Variants in ARHGAP18 observed in about 807,000 individuals in gnomAD.
ARHGAP18 encodes rho GTPase-activating protein 18.
In ARHGAP18, 67 loss-of-function variants were observed where a neutral mutation model predicts 86.2. The ratio of observed to expected loss-of-function variants is 0.78; its 90% CI spans 0.64 to 0.95. The LOEUF (loss-of-function observed/expected upper bound fraction) is 0.95. ARHGAP18 is among the 40% of genes least tolerant of loss of function. The pLI, the probability that ARHGAP18 is intolerant of heterozygous loss-of-function variation, is 0.00. For missense variants in ARHGAP18, 691 were observed against 780.4 expected (o/e 0.89, Z 1.37); for synonymous variants, 283 against 280.4 (o/e 1.01, Z -0.09).
chr6:129,627,491 T>C (rs1789504352), intron 5 of ARHGAP18, among the ~76,000 whole-genome samples: 1 of 152,052 alleles, frequency 6.6e-6, no homozygotes, highest in Admixed American at 6.6e-5. Flanking sequence ...ATCTGATCAA[T>C]TTAAAGTCAA....
At chr6:129,671,994 G>A (rs1326919791) in intron 1 of ARHGAP18, among the ~76,000 whole-genome samples, 1 of 152,014 alleles carries the variant, frequency 6.6e-6, no homozygotes, top group East Asian at 1.9e-4. Context: ...ACAGAAGTTC[G>A]GAGAGGTTAA....
chr6:129,625,104 T>TATATGA (rs1562696218), intron 5 of ARHGAP18, among the ~76,000 whole-genome samples: 1 of 78,322 alleles, frequency 1.3e-5, no homozygotes, highest in African/African-American at 5.1e-5. Flanking sequence ...ATGATATATA[T>TATATGA]TATATATTAT....
chr6:129,679,906 C>T (rs1385073283), intron 1 of ARHGAP18, among the ~76,000 whole-genome samples: 1 of 152,196 alleles, frequency 6.6e-6, no homozygotes, highest in Non-Finnish European at 1.5e-5. Context: ...CCCTCCGAAG[C>T]CTCTAGGGAT....
At chr6:129,609,804 C>T (rs973358321) in intron 8 of ARHGAP18, among the ~76,000 whole-genome samples, 3 of 151,974 alleles carry the variant, frequency 2.0e-5, no homozygotes, top group South Asian at 2.1e-4. Flanking sequence ...TCAGGTTACT[C>T]GAATCCTATT....
At chr6:129,609,322 G>A (rs1788929876) in intron 8 of ARHGAP18, among the ~76,000 whole-genome samples, 1 of 152,156 alleles carries the variant, frequency 6.6e-6, no homozygotes, top group African/African-American at 2.4e-5. Context: ...ACAACAGGCT[G>A]GGTTGAAGAG....
intron 1 of ARHGAP18, among the ~76,000 whole-genome samples, chr6:129,648,314 G>A (rs1465584650): frequency 6.6e-6 from 1 of 151,900 alleles, no homozygotes; most frequent in Admixed American, 6.5e-5. Flanking sequence ...TGGGACTACA[G>A]GCACACACCA....
chr6:129,678,641 CA>C (rs986329304), intron 1 of ARHGAP18, among the ~76,000 whole-genome samples: 33 of 152,190 alleles, frequency 2.2e-4, no homozygotes, highest in African/African-American at 7.5e-4. Flanking sequence ...GGAGCTTCAC[CA>C]AAAACAAACA....
At chr6:129,629,554 T>C in intron 4 of ARHGAP18, 32 bp from the exon 5 acceptor site, 4 of 1,571,858 alleles carry the variant, frequency 2.5e-6, no homozygotes, top group Non-Finnish European at 3.4e-6. Context: ...ACCCAATTCA[T>C]ATGCTTTATT....
chr6:129,618,356 A>G (rs998340047), intron 6 of ARHGAP18, among the ~76,000 whole-genome samples: 4 of 152,206 alleles, frequency 2.6e-5, no homozygotes, highest in Non-Finnish European at 4.4e-5. Flanking sequence ...GATTCTGGAA[A>G]TAAATAAATA....
chr6:129,657,954 A>G lies in ARHGAP18; in HGVS notation c.114-15936T>C, dbSNP rs1197344034. On this transcript the variant is annotated intron_variant, in intron 1 of 14. Coordinates refer to ENST00000368149, the MANE Select transcript of ARHGAP18 (RefSeq NM_033515.3). ...TATACGGTCACTCATCTTATCTCCA[A>G]TAGGTTCTTATTCCCACCTGAAGTG... Among the ~76,000 whole-genome samples the G allele has an allele frequency of 3.9e-5, 6 of 152,282 alleles. No individual in the cohort carries two copies. In the East Asian group the frequency reaches 7.7e-4, roughly 20 times the overall value.
chr6:129,606,192 T>G (rs535608009), intron 9 of ARHGAP18, among the ~76,000 whole-genome samples: 3 of 152,208 alleles, frequency 2.0e-5, no homozygotes, highest in Non-Finnish European at 4.4e-5. Context: ...TGTGATCATA[T>G]GACGTGCGGC....
intron 1 of ARHGAP18, among the ~76,000 whole-genome samples, chr6:129,687,184 T>G (rs146217488): frequency 3.9e-5 from 6 of 152,112 alleles, no homozygotes; most frequent in Non-Finnish European, 8.8e-5. Flanking sequence ...GCTACAGATG[T>G]TGAACAGGTA....
intron 2 of ARHGAP18, among the ~76,000 whole-genome samples, chr6:129,641,015 G>A (rs1773453558): frequency 6.6e-6 from 1 of 152,158 alleles, no homozygotes; most frequent in Admixed American, 6.5e-5. Flanking sequence ...TGGCTGGAAA[G>A]TGACTCTACA....
chr6:129,665,166 A>C (rs1390334284), intron 1 of ARHGAP18, among the ~76,000 whole-genome samples: 1 of 152,182 alleles, frequency 6.6e-6, no homozygotes, highest in Admixed American at 6.5e-5. Context: ...CATCAGCCCC[A>C]AACACAATAC....
At chr6:129,691,534 C>T (rs567405370) in intron 1 of ARHGAP18, among the ~76,000 whole-genome samples, 1 of 152,174 alleles carries the variant, frequency 6.6e-6, no homozygotes, top group Admixed American at 6.5e-5. Context: ...GTGGCTCTCT[C>T]TAAGCGTTAA....
chr6:129,664,763 A>G, intron 1 of ARHGAP18, among the ~76,000 whole-genome samples: 1 of 152,210 alleles, frequency 6.6e-6, no homozygotes, highest in Non-Finnish European at 1.5e-5. Context: ...TTCTAGTGGC[A>G]AGGAGACAAA....
At chr6:129,624,956 A>AT (rs1337773616) in intron 5 of ARHGAP18, among the ~76,000 whole-genome samples, 2 of 121,718 alleles carry the variant, frequency 1.6e-5, no homozygotes, top group African/African-American at 6.0e-5. Context: ...AAAAATATAT[A>AT]TATATATGAT....
At chr6:129,693,510 T>TC (rs1188009471) in intron 1 of ARHGAP18, among the ~76,000 whole-genome samples, 1 of 151,940 alleles carries the variant, frequency 6.6e-6, no homozygotes, top group Non-Finnish European at 1.5e-5. Flanking sequence ...AATTCTTACC[T>TC]CCCCCTTGGT....
rs548047031 is a variant in ARHGAP18, at chr6:129,587,909, C to T, written c.1714-3797G>A. ...AAGTCTTAACTCATTCCAGCATTTA[C>T]CCAAAAGTCCAAGTCCAAGGCCTCA... On this transcript the variant is annotated intron_variant, in intron 12 of 14. Transcript: ENST00000368149. 6.6e-5 allele frequency among the ~76,000 whole-genome samples: 10 copies of T among 152,258 alleles called. 1 individual carries two copies. The highest frequency in any genetic ancestry group is 2.4e-4 in the African/African-American group (10 of 41,546).
Sources: gnomAD v4.1 joint callset for allele counts (sites outside exome capture counted in the v4.1 genomes callset) on GRCh38, gnomAD v4.1.1 for gene constraint, MANE v1.5 for transcripts, NCBI Gene and HGNC (gene_info 2026-07-23, HGNC 2026-07-21) for gene names.